The following TENM3 variants were observed in gnomAD, a reference collection of about 807,000 sequenced individuals.
The protein encoded by TENM3 is teneurin transmembrane protein 3, also known as teneurin-3.
In TENM3, 63 loss-of-function variants were observed where a neutral mutation model predicts 255.1. The observed-to-expected ratio is 0.25, with a 90% CI of 0.20 to 0.30. The LOEUF (loss-of-function observed/expected upper bound fraction) is 0.30, where lower values mean the gene tolerates loss of function less well. Among genes scored for constraint, TENM3 ranks in the 10% least tolerant of loss-of-function variants. TENM3 has a pLI of 1.00. For missense variants in TENM3, 2,929 were observed against 3,461.1 expected (o/e 0.85, Z 3.86); for synonymous variants, 1,306 against 1,322.3 (o/e 0.99, Z 0.27).
intron 3 of TENM3, among the ~76,000 whole-genome samples, chr4:182,590,852 G>GAA (rs35247987): frequency 0.34 from 48,262 of 140,088 alleles, 9,086 homozygotes; most frequent in East Asian, 0.49. Context: ...CGTCTCAAAA[G>GAA]AAAAAAAAAA....
chr4:182,036,911 G>C, the TENM3 span, among the ~76,000 whole-genome samples: 20 of 152,192 alleles, frequency 1.3e-4, no homozygotes, highest in East Asian at 3.7e-3. Context: ...ACAGTCAACA[G>C]ATCTCAGTGT....
intron 3 of TENM3, among the ~76,000 whole-genome samples, chr4:182,368,380 A>G (rs1766570441): frequency 6.6e-6 from 1 of 152,222 alleles, no homozygotes; most frequent in Non-Finnish European, 1.5e-5. Flanking sequence ...TTAAAGACAC[A>G]GCAGATGTCC....
At chr4:181,849,962 C>CACACACACACAG in the TENM3 span, among the ~76,000 whole-genome samples, 1 of 145,138 alleles carries the variant, frequency 6.9e-6, no homozygotes, top group Non-Finnish European at 1.5e-5. Context: ...CACACACACA[C>CACACACACACAG]ACACACACAC....
At chr4:182,402,116 C>A (rs1042595272) in intron 3 of TENM3, among the ~76,000 whole-genome samples, 26 of 152,202 alleles carry the variant, frequency 1.7e-4, no homozygotes, top group African/African-American at 6.0e-4. Flanking sequence ...CCCAAAGCTG[C>A]ATGAAGGGCC....
the TENM3 span, among the ~76,000 whole-genome samples, chr4:182,129,278 T>A: frequency 6.6e-6 from 1 of 152,188 alleles, no homozygotes; most frequent in Non-Finnish European, 1.5e-5. Context: ...AGAATATTTA[T>A]AATACATACA....
At chr4:181,713,740 C>T in the TENM3 span, among the ~76,000 whole-genome samples, 1 of 152,028 alleles carries the variant, frequency 6.6e-6, no homozygotes, top group African/African-American at 2.4e-5. Context: ...TTCAATTATT[C>T]CCTAACATCA....
intron 3 of TENM3, among the ~76,000 whole-genome samples, chr4:182,477,802 C>G (rs553880681): frequency 4.2e-4 from 64 of 152,106 alleles, no homozygotes; most frequent in Admixed American, 2.2e-3. Flanking sequence ...TTTTAATAAT[C>G]AAATAAAATC....
intron 3 of TENM3, among the ~76,000 whole-genome samples, chr4:182,551,321 G>A (rs1454348036): frequency 6.6e-6 from 1 of 151,250 alleles, no homozygotes; most frequent in Non-Finnish European, 1.5e-5. Context: ...AGAGCTCTCA[G>A]CTAAAATTTT....
the TENM3 span, among the ~76,000 whole-genome samples, chr4:181,832,815 C>A: frequency 6.6e-6 from 1 of 152,094 alleles, no homozygotes; most frequent in Non-Finnish European, 1.5e-5. Flanking sequence ...TTGAGATGAG[C>A]GGGTTGTGTG....
the TENM3 span, among the ~76,000 whole-genome samples, chr4:181,476,426 T>C: frequency 0.026 from 3,976 of 152,146 alleles, 165 homozygotes; most frequent in African/African-American, 0.091. Flanking sequence ...TGCAATCCTA[T>C]CAATTTATGA....
the TENM3 span, among the ~76,000 whole-genome samples, chr4:182,073,400 G>A: frequency 6.6e-6 from 1 of 152,190 alleles, no homozygotes; most frequent in Non-Finnish European, 1.5e-5. Context: ...ATATCACTAT[G>A]TGAGGACACA....
chr4:182,312,235 C>A (rs982129289), intron 1 of TENM3, among the ~76,000 whole-genome samples: 1 of 152,088 alleles, frequency 6.6e-6, no homozygotes, highest in Non-Finnish European at 1.5e-5. Flanking sequence ...GTGGCTCACG[C>A]CTGTAGTCCC....
intron 3 of TENM3, among the ~76,000 whole-genome samples, chr4:182,590,798 G>A (rs1312148157): frequency 6.6e-6 from 1 of 151,118 alleles, no homozygotes; most frequent in Non-Finnish European, 1.5e-5. Flanking sequence ...GCAGTCAGCT[G>A]AGATTGCACC....
the TENM3 span, among the ~76,000 whole-genome samples, chr4:181,764,184 C>A: frequency 6.6e-6 from 1 of 152,072 alleles, no homozygotes; most frequent in Non-Finnish European, 1.5e-5. Context: ...GAAAAAACTT[C>A]ATATTATATT....
intron 4 of TENM3, among the ~76,000 whole-genome samples, chr4:182,602,170 A>AT: frequency 6.6e-6 from 1 of 152,268 alleles, no homozygotes; most frequent in East Asian, 1.9e-4. Context: ...GTCTTACCTT[A>AT]TTGGTCTTCT....
At chr4:182,135,881 G>T in the TENM3 span, among the ~76,000 whole-genome samples, 1 of 152,204 alleles carries the variant, frequency 6.6e-6, no homozygotes, top group South Asian at 2.1e-4. Context: ...AACCCTAAAT[G>T]ATCTGTTAAT....
chr4:182,084,192 T>TG, the TENM3 span, among the ~76,000 whole-genome samples: 7,440 of 152,122 alleles, frequency 0.049, 227 homozygotes, highest in South Asian at 0.085. Context: ...AGCTGCTTGC[T>TG]GGGGGGAAAA....
At chr4:182,694,372 C>T (rs1757230299) in intron 12 of TENM3, among the ~76,000 whole-genome samples, 1 of 152,098 alleles carries the variant, frequency 6.6e-6, no homozygotes, top group South Asian at 2.1e-4. Flanking sequence ...CCTCAGCCTC[C>T]CAAGGTGCTG....
chr4:182,530,391 T>C (rs192695962), intron 3 of TENM3, among the ~76,000 whole-genome samples: 102 of 152,330 alleles, frequency 6.7e-4, no homozygotes, highest in Non-Finnish European at 1.2e-3. Context: ...TTCCAGAAAC[T>C]ACTCCTGAAA....
Sources: allele counts gnomAD v4.1 joint callset (sites outside exome capture counted in the v4.1 genomes callset), GRCh38; gene constraint gnomAD v4.1.1; transcripts MANE v1.5; gene names NCBI Gene and HGNC (gene_info 2026-07-23, HGNC 2026-07-21).